Variants in ZZEF1 observed in about 807,000 individuals in gnomAD.
ZZEF1 encodes zinc finger ZZ-type and EF-hand domain containing 1, also known as zinc finger ZZ-type and EF-hand domain-containing protein 1.
ZZEF1 carries 157 observed loss-of-function variants against 342.8 expected under a neutral mutation model. The observed-to-expected ratio is 0.46, with a 90% confidence interval of 0.40 to 0.52. The LOEUF is 0.52. Ranked by LOEUF, ZZEF1 falls within the 20% of genes least tolerant of loss-of-function variation. The probability of loss-of-function intolerance (pLI) is 0.00; values close to 1 mark genes in which losing one functional copy is unlikely to be tolerated. For synonymous variants in ZZEF1, 1,505 were observed against 1,429.1 expected, an observed-to-expected ratio of 1.05 and a Z score of -1.20; for missense variants, 3,480 against 3,725.6, an observed-to-expected ratio of 0.93 and a Z score of 1.72.
intron 9 of ZZEF1, among the ~76,000 whole-genome samples, chr17:4,098,489 C>T (rs1413539525): frequency 1.3e-5 from 2 of 152,186 alleles, no homozygotes; most frequent in South Asian, 2.1e-4. Flanking sequence ...ATTTGTATGA[C>T]AGTCACTATT....
rs1360195254 is a variant in ZZEF1 at position 4,054,199 on chromosome 17, T to C, written c.5296-4A>G. 1.2e-6 allele frequency: 2 copies of C among 1,610,428 alleles called. No individual in the cohort carries two copies. Among genetic ancestry groups the C allele is most frequent in the African/African-American group, 2.7e-5 (2 of 74,818 alleles). The stretch of plus-strand genomic sequence containing the variant: ...AGCGAGCAATGAACATGTGCATCTG[T>C]AAGGCCAAACATATACAATTAACTG... On this transcript the variant is annotated splice_region_variant and splice_polypyrimidine_tract_variant and intron_variant, in intron 33 of 54. Coordinates refer to ENST00000381638, the MANE Select transcript of ZZEF1 (RefSeq NM_015113.4).
intron 2 of ZZEF1, among the ~76,000 whole-genome samples, chr17:4,117,614 C>G (rs1306582181): frequency 1.5e-5 from 2 of 135,452 alleles, no homozygotes; most frequent in Non-Finnish European, 3.0e-5. Flanking sequence ...CGCCACTGCA[C>G]TCCAGCCTGG....
Position 4,070,781 on chromosome 17 carries a change from A to C in ZZEF1, c.3978T>G (p.Asp1326Glu). 1 of 1,614,160 alleles carries C rather than the reference A, an allele frequency of 6.2e-7. No homozygotes were observed. The highest frequency in any genetic ancestry group is 8.5e-7 in the Non-Finnish European group (1 of 1,180,046). Residue 1326 changes from aspartate to glutamate, a missense_variant, in exon 26 of 55, where the codon GAT becomes GAG. By Grantham distance (45) the Asp-to-Glu change is conservative. Transcript: ENST00000381638. ...GATCAATAGTGGAACCAGCAACTAT[A>C]TCTGTCTTTGGGGCCTGTTTTCTAC... Reference protein sequence around the residue: ...QACRKQAPKTDIVAGSTIDQA... With the variant: ...QACRKQAPKTEIVAGSTIDQA...
chr17:4,131,677 G>A (rs1199071893), intron 1 of ZZEF1, among the ~76,000 whole-genome samples: 1 of 152,060 alleles, frequency 6.6e-6, no homozygotes, highest in Admixed American at 6.6e-5. Context: ...CTAGTCGAGA[G>A]GCTGAGGTGG....
Position 4,032,922 on chromosome 17 carries a change from A to G in ZZEF1, c.6665T>C (p.Ile2222Thr). The G allele has an allele frequency of 6.2e-7, 1 of 1,613,554 alleles. No individual in the cohort carries two copies. The highest frequency in any genetic ancestry group is 8.5e-7 in the Non-Finnish European group (1 of 1,179,764). ...LNSAPLWRDV[I>T]ATFTDHCIKQ... ...GATGCAGTGGTCTGTGAAGGTGGCA[A>G]TGACATCACGCCACAGTGGGGCACT... The change falls in exon 41 of 55, where the codon ATT becomes ACT. Residue 2222 changes from isoleucine to threonine, a missense_variant. Physicochemically the swap from Ile to Thr is moderately conservative, Grantham distance 89. Around this residue, in one of 5 missense-constraint regions of ZZEF1, gnomAD observed 1,269 missense variants for 1,342.4 expected, o/e 0.95. Coordinates refer to ENST00000381638, the MANE Select transcript of ZZEF1 (RefSeq NM_015113.4).
intron 2 of ZZEF1, among the ~76,000 whole-genome samples, chr17:4,117,793 C>T (rs1023640717): frequency 4.0e-5 from 6 of 151,814 alleles, no homozygotes; most frequent in Non-Finnish European, 8.8e-5. Context: ...GGAAGTCTTG[C>T]GTATAGAATA....
At chr17:4,015,763 CAAAA>C (rs1294470547) in intron 49 of ZZEF1, among the ~76,000 whole-genome samples, 1 of 151,842 alleles carries the variant, frequency 6.6e-6, no homozygotes, top group African/African-American at 2.4e-5. Flanking sequence ...GACTCCGTCT[CAAAA>C]AAAAGTGCTA....
chr17:4,047,965 T>C (rs2056960963), intron 37 of ZZEF1, among the ~76,000 whole-genome samples: 1 of 151,984 alleles, frequency 6.6e-6, no homozygotes, highest in Non-Finnish European at 1.5e-5. Context: ...AAGTAATAGA[T>C]TTTTATCCAT....
chr17:4,121,512 G>T (rs1376849798), intron 2 of ZZEF1, among the ~76,000 whole-genome samples: 1 of 152,104 alleles, frequency 6.6e-6, no homozygotes, highest in Non-Finnish European at 1.5e-5. Context: ...TGTGCTCCCA[G>T]CTACTCGGGA....
At chr17:4,139,874 C>T (rs770586559) in intron 1 of ZZEF1, among the ~76,000 whole-genome samples, 50 of 152,200 alleles carry the variant, frequency 3.3e-4, no homozygotes, top group Non-Finnish European at 6.3e-4. Flanking sequence ...TATATGGCCA[C>T]GGAAAAAGAA....
chr17:4,083,586 A>G (rs781585520), intron 16 of ZZEF1, among the ~76,000 whole-genome samples: 2 of 150,448 alleles, frequency 1.3e-5, no homozygotes, highest in Non-Finnish European at 3.0e-5. Flanking sequence ...CCCCAATTAG[A>G]CTGCTGCTGC....
intron 26 of ZZEF1, among the ~76,000 whole-genome samples, chr17:4,069,362 T>C (rs2057465027): frequency 6.6e-6 from 1 of 152,280 alleles, no homozygotes; most frequent in African/African-American, 2.4e-5. Flanking sequence ...CATATGACAT[T>C]TGTTTCCATA....
intron 42 of ZZEF1, 29 bp downstream of exon 42, chr17:4,032,097 T>A (rs758562050): frequency 6.2e-7 from 1 of 1,601,478 alleles, no homozygotes; most frequent in East Asian, 2.2e-5. Flanking sequence ...TTTCTTCCAT[T>A]CTTAGAAAAA....
intron 3 of ZZEF1, among the ~76,000 whole-genome samples, chr17:4,115,445 T>C (rs28407844): frequency 0.085 from 12,993 of 152,138 alleles, 721 homozygotes; most frequent in Non-Finnish European, 0.13. Context: ...GGCGGATCAC[T>C]TGAGGTCAGG....
In ZZEF1 at chr17:4,024,875, AATT is replaced by A. The variant is rs770412170; in HGVS notation, c.7092+41_7092+43del. Reference sequence around the variant, plus strand: ...CTAGTTAATCCCCATGCAGATGTCAAATTATAGCCAGATCCACTGCCAACTGGA... The same window carrying A: ...CTAGTTAATCCCCATGCAGATGTCAAATAGCCAGATCCACTGCCAACTGGA... On this transcript the variant is annotated intron_variant, in intron 43 of 54. Coordinates refer to ENST00000381638, the MANE Select transcript of ZZEF1 (RefSeq NM_015113.4). 19 of 1,584,634 alleles carry A rather than the reference AATT, an allele frequency of 1.2e-5. No individual in the cohort carries two copies. In the African/African-American group the frequency reaches 2.2e-4, roughly 18 times the overall value.
Position 4,052,835 on chromosome 17 carries a change from C to T in ZZEF1, c.5435-699G>A, listed in dbSNP as rs1403428486. 2.7e-5 allele frequency among the ~76,000 whole-genome samples: 4 copies of T among 147,620 alleles called. No homozygotes were observed. The South Asian group carries it at 8.6e-4, about 32-fold the overall frequency. On this transcript the variant is annotated intron_variant, in intron 34 of 54. Transcript: ENST00000381638. ...TGAGCTGAGATGGTGCCACTGTACTCTAGCCTGAGGGACAGAGTGAGACTT... is the reference window on the plus strand; with the variant it reads ...TGAGCTGAGATGGTGCCACTGTACTTTAGCCTGAGGGACAGAGTGAGACTT...
rs2057743788 is a variant in ZZEF1 at position 4,082,518 on chromosome 17, A to G, written c.2647-14T>C. 1 of 1,613,134 alleles carries G rather than the reference A, an allele frequency of 6.2e-7. No homozygotes were observed. Among genetic ancestry groups the G allele is most frequent in the South Asian group, 1.1e-5 (1 of 90,996 alleles). On this transcript the variant is annotated splice_polypyrimidine_tract_variant and intron_variant, in intron 16 of 54. Coordinates refer to ENST00000381638, the MANE Select transcript of ZZEF1 (RefSeq NM_015113.4). ...CTCGGTGACATTCTTCTAGAAAACCAGAAATTGTATATTCAGAAAATCTAG... is the reference window on the plus strand; with the variant it reads ...CTCGGTGACATTCTTCTAGAAAACCGGAAATTGTATATTCAGAAAATCTAG...
Position 4,072,626 on chromosome 17 carries a change from TGG to T in ZZEF1, c.3814_3815del (p.Pro1272ThrfsTer4). 1.2e-6 allele frequency: 2 copies of T among 1,612,920 alleles called. No homozygotes were observed. Among genetic ancestry groups the T allele is most frequent in the Non-Finnish European group, 1.7e-6 (2 of 1,179,430 alleles). ...TAAATACCTCCTTACTATTCCGGTG[TGG>T]GTGAGTGGGCCAGCTTGCTTCTAAT... ...LELEASWPTH[P>X]HRNSKEVKNI... On this transcript the variant is annotated frameshift_variant, in exon 25 of 55. Coordinates refer to ENST00000381638, the MANE Select transcript of ZZEF1 (RefSeq NM_015113.4). LOFTEE classifies it high-confidence loss of function.
intron 39 of ZZEF1, among the ~76,000 whole-genome samples, chr17:4,035,501 G>C (rs2056640530): frequency 2.6e-5 from 4 of 152,152 alleles, no homozygotes; most frequent in Admixed American, 2.6e-4. Flanking sequence ...CCATGGAGAA[G>C]GTCTGGCAGA....
Sources: gnomAD v4.1 joint callset for allele counts (sites outside exome capture counted in the v4.1 genomes callset) on GRCh38, gnomAD v4.1.1 for gene constraint, gnomAD v4.1.1 regional missense constraint, MANE v1.5 for transcripts, NCBI Gene and HGNC (gene_info 2026-07-23, HGNC 2026-07-21) for gene names.